TTYH3: variants seen among roughly 807,000 people sequenced by gnomAD.
The protein encoded by TTYH3 is tweety family member 3.
TTYH3 carries 23 observed loss-of-function variants against 68.2 expected under a neutral mutation model. The ratio of observed to expected loss-of-function variants is 0.34; its 90% CI spans 0.24 to 0.48. The LOEUF (loss-of-function observed/expected upper bound fraction) is 0.48, where lower values mean the gene tolerates loss of function less well. Among genes scored for constraint, TTYH3 ranks in the 20% least tolerant of loss-of-function variants. The probability of loss-of-function intolerance (pLI) is 0.99; values close to 1 mark genes in which losing one functional copy is unlikely to be tolerated. For synonymous variants in TTYH3, 360 were observed against 332.8 expected (o/e 1.08, Z -0.89); for missense variants, 768 against 727.7 (o/e 1.06, Z -0.64).
At chr7:2,638,854 C>T (rs1208435520) in intron 1 of TTYH3, among the ~76,000 whole-genome samples, 3 of 152,196 alleles carry the variant, frequency 2.0e-5, no homozygotes, top group African/African-American at 4.8e-5. Flanking sequence ...GGACCCCCCA[C>T]TTGTGCAAGG....
chr7:2,634,539 A>G (rs1269540867), intron 1 of TTYH3, among the ~76,000 whole-genome samples: 1 of 111,300 alleles, frequency 9.0e-6, no homozygotes, highest in Non-Finnish European at 1.8e-5. Context: ...GGGAGTGGGC[A>G]TCTGCCCCGT....
intron 13 of TTYH3, among the ~76,000 whole-genome samples, chr7:2,661,051 A>G (rs1786481422): frequency 7.6e-6 from 1 of 132,372 alleles, no homozygotes; most frequent in Non-Finnish European, 1.6e-5. Context: ...GACCCCCAGG[A>G]GCCCACAGTT....
At position 2,662,011 on chromosome 7, in the gene TTYH3, C is replaced by G. The variant is rs530553488; in HGVS notation, c.*272C>G. The G allele has an allele frequency of 5.1e-6, 3 of 585,846 alleles. No homozygotes were observed. The highest frequency in any genetic ancestry group is 9.2e-6 in the Non-Finnish European group (3 of 327,572). 36.3% of individuals were successfully genotyped at this position (585,846 alleles called of 1,614,324 possible). A position where few individuals can be genotyped will look rare whatever the true frequency, so the allele number is the denominator to read the frequency against. ...ACGCCACCCACTATCCCGGCACGCT[C>G]CCTCTGCAGATGGTCGCCGCACCTA... On this transcript the variant is annotated 3_prime_UTR_variant, in exon 14 of 14. Transcript: ENST00000258796.
rs202173699 is a variant in TTYH3, at chr7:2,647,993, G to A, written c.661G>A (p.Val221Ile). The change falls in exon 5 of 14, where the codon GTC (valine) becomes ATC (isoleucine). Residue 221 changes from valine to isoleucine, a missense_variant. By Grantham distance (29) the Val-to-Ile change is conservative. Transcript: ENST00000258796. ...LGYLGLLLLD[V>I]IICLLVLVGL... ...CTACCTGGGCCTGCTGCTGCTGGACGTCATCATCTGCCTCCTGGTGCTGGT... is the reference window on the plus strand; with the variant it reads ...CTACCTGGGCCTGCTGCTGCTGGACATCATCATCTGCCTCCTGGTGCTGGT... 2.5e-6 allele frequency: 4 copies of A among 1,610,662 alleles called. No individual in the cohort carries two copies. Among genetic ancestry groups the A allele is most frequent in the Admixed American group, 3.3e-5 (2 of 60,018 alleles).
At chr7:2,654,145 A>C (rs941736348) in intron 9 of TTYH3, among the ~76,000 whole-genome samples, 1 of 152,226 alleles carries the variant, frequency 6.6e-6, no homozygotes, top group East Asian at 1.9e-4. Context: ...CTGTCATCTC[A>C]GCACTCTGGG....
At chr7:2,637,143 C>T (rs1785699949) in intron 1 of TTYH3, among the ~76,000 whole-genome samples, 1 of 152,116 alleles carries the variant, frequency 6.6e-6, no homozygotes, top group Non-Finnish European at 1.5e-5. Flanking sequence ...CGAGGGCCAG[C>T]TCTAGGACCC....
chr7:2,658,466 T>G lies in TTYH3; in HGVS notation c.1424+7T>G, dbSNP rs767049636. 9 of 1,602,908 alleles carry G rather than the reference T, an allele frequency of 5.6e-6. No homozygotes were observed. The South Asian group carries it at 9.9e-5, about 18-fold the overall frequency. ...CCCCGGTCACTGAGTACATGTGAGT[T>G]GACGTGGGCCTAGTGGGGCCAGCGG... On this transcript the variant is annotated splice_region_variant and intron_variant, in intron 12 of 13. Coordinates refer to ENST00000258796, the MANE Select transcript of TTYH3 (RefSeq NM_025250.3).
intron 1 of TTYH3, among the ~76,000 whole-genome samples, chr7:2,633,506 G>A (rs1021486762): frequency 2.6e-5 from 4 of 152,076 alleles, no homozygotes; most frequent in Admixed American, 1.3e-4. Flanking sequence ...GCCCAGGCAC[G>A]CCCAGACACA....
chr7:2,648,925 G>A (rs1258821639), intron 5 of TTYH3, among the ~76,000 whole-genome samples: 8 of 150,392 alleles, frequency 5.3e-5, no homozygotes, highest in South Asian at 4.2e-4. Context: ...TGTGGGGCCC[G>A]CAGTGGGGTG....
chr7:2,634,919 C>A (rs930400339), intron 1 of TTYH3, among the ~76,000 whole-genome samples: 3 of 152,100 alleles, frequency 2.0e-5, no homozygotes, highest in Non-Finnish European at 2.9e-5. Flanking sequence ...CGGATTCCCC[C>A]ACGGCTGCCT....
At chr7:2,660,404 C>G (rs1786463014) in intron 13 of TTYH3, 1 of 985,298 alleles carries the variant, frequency 1.0e-6, no homozygotes, top group African/African-American at 1.7e-5. Context: ...GCCAGCAGGC[C>G]CTGCCCTGGA....
intron 9 of TTYH3, among the ~76,000 whole-genome samples, chr7:2,655,664 G>T (rs1031174833): frequency 6.6e-5 from 10 of 152,264 alleles, no homozygotes; most frequent in African/African-American, 2.4e-4. Context: ...TTACAGGACT[G>T]CGCTCACTCT....
intron 10 of TTYH3, 53 bp from the exon 11 acceptor site, chr7:2,656,345 C>T (rs1786333705): frequency 6.3e-7 from 1 of 1,588,352 alleles, no homozygotes; most frequent in Non-Finnish European, 8.6e-7. Context: ...TCTCACGCTG[C>T]CCCCTCCACC....
At chr7:2,647,824 C>T in intron 4 of TTYH3, 135 bp from the exon 5 acceptor site, 1 of 1,124,182 alleles carries the variant, frequency 8.9e-7, no homozygotes, top group Non-Finnish European at 1.3e-6. Context: ...TGACACCAGT[C>T]CCCATGACCC....
At chr7:2,639,214 G>A (rs891697584) in intron 1 of TTYH3, among the ~76,000 whole-genome samples, 4 of 152,260 alleles carry the variant, frequency 2.6e-5, no homozygotes, top group Middle Eastern at 3.4e-3. Context: ...CCCACCTCTC[G>A]CCTGCCACGT....
At chr7:2,652,466 A>G (rs1583571062) in intron 8 of TTYH3, among the ~76,000 whole-genome samples, 1 of 152,148 alleles carries the variant, frequency 6.6e-6, no homozygotes, top group Admixed American at 6.5e-5. Context: ...GACCTGCTCA[A>G]TGCACCCGCA....
In TTYH3 at chr7:2,658,303, G is replaced by T; in HGVS notation, c.1268G>T (p.Gly423Val). 6.3e-7 allele frequency: 1 copy of T among 1,592,672 alleles called. No homozygotes were observed. ...CCTCACAGAGGCCCTGATGAGGACG[G>T]GGAGGAGGAGGCCGCTCCAGGGCCG... ...WQQKRGPDED[G>V]EEEAAPGPRQ... Residue 423 changes from glycine (G) to valine (V), a missense_variant, in exon 12 of 14, where the codon GGG becomes GTG. Gly to Val is a moderately radical substitution (Grantham distance 109, BLOSUM62 -3). Coordinates refer to ENST00000258796, the MANE Select transcript of TTYH3 (RefSeq NM_025250.3).
intron 1 of TTYH3, among the ~76,000 whole-genome samples, chr7:2,640,647 C>T (rs1298626909): frequency 3.9e-5 from 6 of 152,202 alleles, no homozygotes; most frequent in Admixed American, 1.3e-4. Flanking sequence ...CCTGGCATTG[C>T]GTTGGGGGGT....
chr7:2,662,044 T>C lies in TTYH3; in HGVS notation c.*305T>C, dbSNP rs1171438611. 5 of 549,564 alleles carry C rather than the reference T, an allele frequency of 9.1e-6. No individual in the cohort carries two copies. The highest frequency in any genetic ancestry group is 1.6e-5 in the Non-Finnish European group (5 of 304,800). The allele number at this position is 549,564 out of a possible 1,614,324, so 34.0% of individuals were successfully genotyped here. A position where few individuals can be genotyped will look rare whatever the true frequency, so the allele number is the denominator to read the frequency against. On this transcript the variant is annotated 3_prime_UTR_variant, in exon 14 of 14. Coordinates refer to ENST00000258796, the MANE Select transcript of TTYH3 (RefSeq NM_025250.3). The stretch of plus-strand genomic sequence containing the variant: ...AGATGGTCGCCGCACCTACAAGCCC[T>C]GGCCGCACCCAACCTGTGTTGTTGC...
Sources: allele counts gnomAD v4.1 joint callset (sites outside exome capture counted in the v4.1 genomes callset), GRCh38; gene constraint gnomAD v4.1.1; transcripts MANE v1.5; gene names NCBI Gene and HGNC (gene_info 2026-07-23, HGNC 2026-07-21).